Variants in MLLT10 observed in about 807,000 individuals in gnomAD.
The protein encoded by MLLT10 is protein AF-10.
In MLLT10, 30 loss-of-function variants were observed where a neutral mutation model predicts 129.1. That is an observed-to-expected ratio of 0.23 (90% confidence interval 0.17 to 0.32). MLLT10 has a LOEUF of 0.32. Ranked by LOEUF, MLLT10 falls within the 10% of genes least tolerant of loss-of-function variation. The pLI is 1.00. For missense variants in MLLT10, 1,119 were observed against 1,268.3 expected (o/e 0.88, Z 1.79); for synonymous variants, 490 against 446.4 (o/e 1.10, Z -1.23).
rs140118724 is a variant in MLLT10, at chr10:21,716,020, G to A, written c.1878+2070G>A. On this transcript the variant is annotated intron_variant, in intron 14 of 22. Transcript: ENST00000307729. Reference sequence around the variant, plus strand: ...TGCTGTAGCAACCATCAGTCTCCAGGCAACTGAGGCACGTTGACCTCTCAG... The same window carrying A: ...TGCTGTAGCAACCATCAGTCTCCAGACAACTGAGGCACGTTGACCTCTCAG... Among the ~76,000 whole-genome samples the A allele has an allele frequency of 1.8e-3, 273 of 152,324 alleles. 2 individuals are homozygous for A. The highest frequency in any genetic ancestry group is 6.2e-3 in the African/African-American group (257 of 41,558).
chr10:21,562,329 TTTTA>T (rs986252122), intron 3 of MLLT10, among the ~76,000 whole-genome samples: 1 of 147,942 alleles, frequency 6.8e-6, no homozygotes, highest in Non-Finnish European at 1.5e-5. Flanking sequence ...ATTTTTGTTT[TTTTA>T]TTTATTTATT....
chr10:21,582,872 G>A (rs1025555514), intron 3 of MLLT10, among the ~76,000 whole-genome samples: 4 of 152,090 alleles, frequency 2.6e-5, no homozygotes, highest in Admixed American at 6.6e-5. Flanking sequence ...ATTGTGGAGC[G>A]TTTCAAGTGT....
chr10:21,662,669 A>G (rs1347289731), intron 9 of MLLT10, among the ~76,000 whole-genome samples: 2 of 152,140 alleles, frequency 1.3e-5, no homozygotes, highest in African/African-American at 2.4e-5. Context: ...TAATTCCAAC[A>G]TTCCTGCCAT....
chr10:21,706,661 T>C (rs149051945), intron 13 of MLLT10, among the ~76,000 whole-genome samples: 3 of 152,344 alleles, frequency 2.0e-5, no homozygotes, highest in African/African-American at 7.2e-5. Context: ...TCCTAGGCAG[T>C]TTGAAAGTGG....
chr10:21,696,133 C>G (rs573315697), intron 13 of MLLT10, among the ~76,000 whole-genome samples: 5 of 152,122 alleles, frequency 3.3e-5, no homozygotes, highest in African/African-American at 4.8e-5. Context: ...GACAGGCCGA[C>G]TCTGCTAAGG....
At chr10:21,660,615 C>CA (rs55685640) in intron 9 of MLLT10, among the ~76,000 whole-genome samples, 4,143 of 41,364 alleles carry the variant, frequency 0.1, 243 homozygotes, top group Non-Finnish European at 0.14. Context: ...GACTCCATCT[C>CA]AAAAAAAAAA....
intron 5 of MLLT10, among the ~76,000 whole-genome samples, chr10:21,609,690 C>T (rs956504067): frequency 2.6e-5 from 4 of 152,192 alleles, no homozygotes; most frequent in African/African-American, 7.2e-5. Flanking sequence ...TTGTAACTAT[C>T]GTTCTTGTCC....
chr10:21,650,042 T>C (rs1284728106), intron 8 of MLLT10, among the ~76,000 whole-genome samples: 2 of 152,038 alleles, frequency 1.3e-5, no homozygotes, highest in African/African-American at 2.4e-5. Context: ...CTGGGCAACA[T>C]AGTGAGACCC....
intron 3 of MLLT10, among the ~76,000 whole-genome samples, chr10:21,572,553 TTGTC>T (rs971916331): frequency 1.9e-4 from 29 of 152,318 alleles, no homozygotes; most frequent in African/African-American, 6.5e-4. Context: ...CTTTTTTGCT[TTGTC>T]TGAGCAGTCG....
At chr10:21,665,832 G>A (rs1227235871) in intron 9 of MLLT10, among the ~76,000 whole-genome samples, 3 of 151,922 alleles carry the variant, frequency 2.0e-5, no homozygotes, top group Non-Finnish European at 4.4e-5. Context: ...GGGTTCAAGC[G>A]ATCTCCCACC....
rs60779896 is a variant in MLLT10 at position 21,712,203 on chromosome 10, C to CATTTATTTATTTATTTATTTATTTATTT, written c.1700-1549_1700-1548insATTTATTTATTTATTTATTTATTTATTT. Among the ~76,000 whole-genome samples the CATTTATTTATTTATTTATTTATTTATTT allele has an allele frequency of 6.3e-3, 943 of 150,234 alleles. 10 individuals carry two copies. Among genetic ancestry groups the CATTTATTTATTTATTTATTTATTTATTT allele is most frequent in the African/African-American group, 0.021 (877 of 40,912 alleles). The stretch of plus-strand genomic sequence containing the variant: ...AATTTATTATATAAGTCAATAACTT[C>CATTTATTTATTTATTTATTTATTTATTT]ATTTATTTATTTATTTATTTTTAAA... On this transcript the variant is annotated intron_variant, in intron 13 of 22. Transcript: ENST00000307729.
chr10:21,602,873 G>C (rs1299635203), intron 5 of MLLT10, among the ~76,000 whole-genome samples: 1 of 151,668 alleles, frequency 6.6e-6, no homozygotes, highest in Non-Finnish European at 1.5e-5. Flanking sequence ...GGGACTACAG[G>C]TGCCCTCCAC....
chr10:21,553,202 T>C (rs2037363475), intron 3 of MLLT10, among the ~76,000 whole-genome samples: 1 of 152,204 alleles, frequency 6.6e-6, no homozygotes, highest in Non-Finnish European at 1.5e-5. Flanking sequence ...GCTATCTTAC[T>C]TGATTGTTTG....
intron 5 of MLLT10, among the ~76,000 whole-genome samples, chr10:21,606,888 A>C (rs913754347): frequency 6.6e-6 from 1 of 152,242 alleles, no homozygotes; most frequent in East Asian, 1.9e-4. Context: ...GTTTTACTGT[A>C]GGTAAAATGC....
intron 13 of MLLT10, among the ~76,000 whole-genome samples, chr10:21,691,202 CT>C (rs1159710253): frequency 1.3e-5 from 2 of 152,062 alleles, no homozygotes; most frequent in Non-Finnish European, 2.9e-5. Flanking sequence ...TACTTTGCAG[CT>C]TCCTTTCACA....
chr10:21,534,601 C>T (rs750777937), intron 1 of MLLT10, 44 bp from the exon 2 acceptor site: 51 of 1,580,948 alleles, frequency 3.2e-5, no homozygotes, highest in Non-Finnish European at 4.3e-5. Flanking sequence ...AAGCACTAAT[C>T]GGCTTGCATG....
chr10:21,560,387 T>G (rs1359182887), intron 3 of MLLT10, among the ~76,000 whole-genome samples: 1 of 152,224 alleles, frequency 6.6e-6, no homozygotes, highest in Admixed American at 6.5e-5. Context: ...AGGTTCAGTC[T>G]TTTTCCACTC....
At chr10:21,547,407 T>C (rs887662313) in intron 3 of MLLT10, among the ~76,000 whole-genome samples, 6 of 151,416 alleles carry the variant, frequency 4.0e-5, no homozygotes, top group East Asian at 1.9e-4. Context: ...TGTTTTCTTT[T>C]TTTTTTTTTT....
intron 3 of MLLT10, among the ~76,000 whole-genome samples, chr10:21,569,279 T>C (rs1022849425): frequency 2.0e-5 from 3 of 152,006 alleles, no homozygotes; most frequent in African/African-American, 7.2e-5. Flanking sequence ...TTTTTGAACA[T>C]GATGTTGCTT....
Sources: gnomAD v4.1 joint callset for allele counts (sites outside exome capture counted in the v4.1 genomes callset) on GRCh38, gnomAD v4.1.1 for gene constraint, MANE v1.5 for transcripts, NCBI Gene and HGNC (gene_info 2026-07-23, HGNC 2026-07-21) for gene names.